The following ATPAF2 variants were observed in gnomAD, a reference collection of about 807,000 sequenced individuals.
ATPAF2 encodes ATP12 homolog.
ATPAF2 carries 30 observed loss-of-function variants against 36.6 expected under a neutral mutation model. That is an observed-to-expected ratio of 0.82 (90% CI 0.61 to 1.11). The LOEUF (loss-of-function observed/expected upper bound fraction) is 1.11. Ranked by LOEUF, ATPAF2 falls within the 50% of genes most tolerant of loss-of-function variation. The probability of loss-of-function intolerance (pLI) is 0.00; values close to 1 mark genes in which losing one functional copy is unlikely to be tolerated. For missense variants in ATPAF2, 321 were observed against 372.3 expected (o/e 0.86, Z 1.13); for synonymous variants, 140 against 152.6 (o/e 0.92, Z 0.61).
At chr17:18,030,927 C>G (rs563878837) in intron 1 of ATPAF2, among the ~76,000 whole-genome samples, 4 of 142,312 alleles carry the variant, frequency 2.8e-5, no homozygotes, top group African/African-American at 1.1e-4. Flanking sequence ...CCTGCCTTGG[C>G]CTCCCAAAGT....
chr17:18,028,111 C>A, intron 3 of ATPAF2, 121 bp downstream of exon 3: 1 of 1,209,610 alleles, frequency 8.3e-7, no homozygotes, highest in East Asian at 2.3e-5. Context: ...GGAGGTGAAT[C>A]CCTGGGGGCC....
Position 18,032,437 on chromosome 17 carries a change from C to A in ATPAF2, c.134-3778G>T, listed in dbSNP as rs1024097666. 8.5e-5 allele frequency among the ~76,000 whole-genome samples: 13 copies of A among 152,296 alleles called. No individual in the cohort carries two copies. In the South Asian group the frequency reaches 2.7e-3, roughly 32 times the overall value. ...GCAGGGAAGAAGCCACCAAAAATTTCTCCAAGCAGAAGAAAACCATGCAGA... is the reference window on the plus strand; with the variant it reads ...GCAGGGAAGAAGCCACCAAAAATTTATCCAAGCAGAAGAAAACCATGCAGA... On this transcript the variant is annotated intron_variant, in intron 1 of 7. Transcript: ENST00000474627.
intron 1 of ATPAF2, among the ~76,000 whole-genome samples, chr17:18,031,636 C>T (rs2044637430): frequency 6.6e-6 from 1 of 151,828 alleles, no homozygotes; most frequent in South Asian, 2.1e-4. Flanking sequence ...AAAAATTAGC[C>T]GGGCGTGGTG....
chr17:18,020,907 C>G, intron 7 of ATPAF2: 1 of 1,253,664 alleles, frequency 8.0e-7, no homozygotes, highest in Non-Finnish European at 1.0e-6. Flanking sequence ...ATGATCCATC[C>G]TCCTCAGCCA....
downstream of ATPAF2, chr17:18,015,944 C>T: frequency 9.5e-7 from 1 of 1,057,840 alleles, no homozygotes. Flanking sequence ...AAGGTGGGCT[C>T]TGCTCTGAGT....
At chr17:18,025,930 G>A (rs1238392648) in intron 4 of ATPAF2, 4 of 340,426 alleles carry the variant, frequency 1.2e-5, no homozygotes, top group East Asian at 7.1e-5. Flanking sequence ...ATTCAGAACT[G>A]GAGAAGGACA....
intron 1 of ATPAF2, among the ~76,000 whole-genome samples, chr17:18,030,573 A>G (rs1475710197): frequency 6.6e-6 from 1 of 150,542 alleles, no homozygotes; most frequent in African/African-American, 2.4e-5. Context: ...CAAATAGACC[A>G]TGAAAATTCA....
downstream of ATPAF2, chr17:18,016,536 G>C (rs771561530): frequency 3.3e-6 from 5 of 1,525,404 alleles, no homozygotes; most frequent in Non-Finnish European, 4.5e-6. Context: ...GTAAGGAATC[G>C]GGCTTTGGTT....
At chr17:18,024,325 G>A (rs1018445228) in intron 5 of ATPAF2, among the ~76,000 whole-genome samples, 3 of 152,182 alleles carry the variant, frequency 2.0e-5, no homozygotes, top group Admixed American at 2.0e-4. Context: ...GCTCTGACCC[G>A]CTGGCAGAAG....
At position 18,018,322 on chromosome 17, in the gene ATPAF2, C is replaced by T. The variant is rs1234266895; in HGVS notation, c.*227G>A. 2 of 594,300 alleles carry T rather than the reference C, an allele frequency of 3.4e-6. No individual in the cohort carries two copies. Among genetic ancestry groups the T allele is most frequent in the African/African-American group, 3.7e-5 (2 of 53,644 alleles). The allele number at this position is 594,300 out of a possible 1,614,324, so 36.8% of individuals were successfully genotyped here. A position where few individuals can be genotyped will look rare whatever the true frequency, so the allele number is the denominator to read the frequency against. On this transcript the variant is annotated 3_prime_UTR_variant, in exon 8 of 8. Transcript: ENST00000474627. The stretch of plus-strand genomic sequence containing the variant: ...TCGAGAGAAAGTCACTTGCACAATT[C>T]ATCTCCTACATTCACTGCTGGCCAG...
chr17:18,021,100 G>A (rs2044462573), intron 7 of ATPAF2, 23 bp downstream of exon 7: 1 of 1,603,304 alleles, frequency 6.2e-7, no homozygotes, highest in Non-Finnish European at 8.5e-7. Context: ...GGGGGAGGCG[G>A]GACCTGAGGT....
rs34738009 is a variant in ATPAF2, at chr17:18,038,903, G to T, written c.111C>A (p.Ala37=). The change falls in exon 1 of 8, where the codon GCC becomes GCA. Residue 37 remains alanine (A), a synonymous_variant. Transcript: ENST00000474627. ...TACCTGTCGGCGGGGCGTAAGCCCG[G>T]GCTGGAGACGGGATGGTTGGCCCCG... ...MSPGPTIPSP[A]RAYAPPTERK... The T allele has an allele frequency of 5.0e-6, 8 of 1,614,040 alleles. No individual in the cohort carries two copies. In the Admixed American group the frequency reaches 1.2e-4, roughly 24 times the overall value.
chr17:18,030,731 G>A (rs1220833037), intron 1 of ATPAF2, among the ~76,000 whole-genome samples: 1 of 143,774 alleles, frequency 7.0e-6, no homozygotes, highest in Non-Finnish European at 1.5e-5. Context: ...GCAGTAGCGC[G>A]ATCTCAGCTC....
At chr17:18,037,991 G>A (rs1048006578) in intron 1 of ATPAF2, among the ~76,000 whole-genome samples, 1 of 152,182 alleles carries the variant, frequency 6.6e-6, no homozygotes, top group Non-Finnish European at 1.5e-5. Context: ...GATTCTCTGT[G>A]TTCTCACAGT....
intron 1 of ATPAF2, among the ~76,000 whole-genome samples, chr17:18,030,513 GAAAAAAAAA>G (rs747636000): frequency 1.3e-5 from 1 of 77,566 alleles, no homozygotes; most frequent in Non-Finnish European, 2.6e-5. Flanking sequence ...GTCTCTTGGG[GAAAAAAAAA>G]AAAAAAAAAA....
In ATPAF2 at chr17:18,024,672, T is replaced by TAGTC; in HGVS notation, c.454_455insGACT (p.Glu152GlyfsTer7). ...TGGATCCCACTCATTCCTTTGAAGTTCCACTAATGTCTCGGGCTCCTCCAC... is the reference window on the plus strand; with the variant it reads ...TGGATCCCACTCATTCCTTTGAAGTTAGTCCCACTAATGTCTCGGGCTCCTCCAC... On this transcript the variant is annotated frameshift_variant, in exon 5 of 8. Transcript: ENST00000474627. LOFTEE classifies it high-confidence loss of function. 2 of 1,614,114 alleles carry TAGTC rather than the reference T, an allele frequency of 1.2e-6. No homozygotes were observed. Among genetic ancestry groups the TAGTC allele is most frequent in the Non-Finnish European group, 1.7e-6 (2 of 1,179,982 alleles).
Position 18,028,373 on chromosome 17 carries a change from G to T in ATPAF2, c.183C>A (p.Gly61=). Residue 61 remains glycine (G), a synonymous_variant, in exon 3 of 8, where the codon GGC becomes GGA. Transcript: ENST00000474627. The part of the protein sequence containing the change: ...QNVSITQGEG[G]FEINLDHRKL... ...TCCTGTGGTCCAGGTTTATCTCAAA[G>T]CCACCTTGAAAGATCAAATGAAAAA... The T allele has an allele frequency of 1.2e-6, 2 of 1,613,990 alleles. No individual in the cohort carries two copies. Among genetic ancestry groups the T allele is most frequent in the Middle Eastern group, 1.6e-4 (1 of 6,062 alleles).
At chr17:18,030,010 C>A (rs1392121456) in intron 1 of ATPAF2, among the ~76,000 whole-genome samples, 1 of 150,908 alleles carries the variant, frequency 6.6e-6, no homozygotes, top group Non-Finnish European at 1.5e-5. Flanking sequence ...CAACATGAGA[C>A]CCCATCTCTA....
At chr17:18,032,967 G>C (rs1003400416) in intron 1 of ATPAF2, among the ~76,000 whole-genome samples, 1 of 151,750 alleles carries the variant, frequency 6.6e-6, no homozygotes, top group Non-Finnish European at 1.5e-5. Flanking sequence ...GAGAATGCAA[G>C]ATTCTCTAAG....
Sources: allele counts gnomAD v4.1 joint callset (sites outside exome capture counted in the v4.1 genomes callset), GRCh38; gene constraint gnomAD v4.1.1; transcripts MANE v1.5; gene names NCBI Gene and HGNC (gene_info 2026-07-23, HGNC 2026-07-21).